Variants in KCNQ1 observed in about 807,000 individuals in gnomAD.
KCNQ1 encodes potassium voltage-gated channel subfamily KQT member 1.
In KCNQ1, 49 loss-of-function variants were observed where a neutral mutation model predicts 72.4. The observed-to-expected ratio is 0.68, with a 90% confidence interval of 0.54 to 0.86. The LOEUF (loss-of-function observed/expected upper bound fraction) is 0.86, where lower values mean the gene tolerates loss of function less well. Ranked by LOEUF, KCNQ1 falls within the 40% of genes least tolerant of loss-of-function variation. KCNQ1 has a pLI of 0.00. For synonymous variants in KCNQ1, 450 were observed against 412.6 expected, an observed-to-expected ratio of 1.09 and a Z score of -1.10; for missense variants, 790 against 945.1, an observed-to-expected ratio of 0.84 and a Z score of 2.15.
rs1449317436 is a variant in KCNQ1 at position 2,848,203 on chromosome 11, G to C, written c.*200G>C. The C allele has an allele frequency of 1.5e-6, 1 of 681,358 alleles. No homozygotes were observed. Among genetic ancestry groups the C allele is most frequent in the Admixed American group, 2.2e-5 (1 of 45,790 alleles). 42.2% of individuals were successfully genotyped at this position (681,358 alleles called of 1,614,324 possible). On this transcript the variant is annotated 3_prime_UTR_variant, in exon 16 of 16. Transcript: ENST00000155840. ...CAGCAAGGCCACCTCTTCCTGGCCG[G>C]TGTGGGGGCCCCGTCTCAGGTCTGA...
In KCNQ1 at chr11:2,826,082, A is replaced by G. The variant is rs1847833808; in HGVS notation, c.1795-21685A>G. Among the ~76,000 whole-genome samples the G allele has an allele frequency of 1.3e-5, 2 of 152,228 alleles. No individual in the cohort carries two copies. The highest frequency in any genetic ancestry group is 2.9e-5 in the Non-Finnish European group (2 of 68,050). Reference sequence around the variant, plus strand: ...AACTGCCTGTGAGTTATAAGCCTCCACAGCAAGCAGCCTGTTACCTAACCA... The same window carrying G: ...AACTGCCTGTGAGTTATAAGCCTCCGCAGCAAGCAGCCTGTTACCTAACCA... On this transcript the variant is annotated intron_variant, in intron 15 of 15. Transcript: ENST00000155840. The surrounding 1 kb of genome is among the most constrained non-coding windows in gnomAD (Gnocchi z 4.2).
intron 6 of KCNQ1, among the ~76,000 whole-genome samples, chr11:2,575,256 C>CCCACACCG (rs1848405177): frequency 6.6e-6 from 1 of 152,206 alleles, no homozygotes; most frequent in Non-Finnish European, 1.5e-5. Context: ...TTGTGCCCGG[C>CCCACACCG]TTGGCATCAG....
chr11:2,693,861 C>T (rs1001186730), intron 11 of KCNQ1: 15 of 398,804 alleles, frequency 3.8e-5, no homozygotes, highest in African/African-American at 2.1e-5. Context: ...GCCCTCCCAT[C>T]CAGGCCTGCT....
In KCNQ1 at chr11:2,475,342, G is replaced by T. The variant is rs770495494; in HGVS notation, c.386+29858G>T. 1.8e-4 allele frequency among the ~76,000 whole-genome samples: 28 copies of T among 152,178 alleles called. No homozygotes were observed. Among genetic ancestry groups the T allele is most frequent in the Non-Finnish European group, 4.0e-4 (27 of 68,040 alleles). On this transcript the variant is annotated intron_variant, in intron 1 of 15. Coordinates refer to ENST00000155840, the MANE Select transcript of KCNQ1 (RefSeq NM_000218.3). This position sits in a 1 kb window ranked among gnomAD's most constrained non-coding sequence, Gnocchi z 5.8. ...CCCTTCCTTTCTGAGCTGAGTAGTG[G>T]TCTGTGGTGTGGATGGACTACGTGC...
intron 11 of KCNQ1, among the ~76,000 whole-genome samples, chr11:2,718,007 A>G (rs1053269182): frequency 3.3e-5 from 5 of 152,234 alleles, no homozygotes; most frequent in Admixed American, 6.5e-5. Context: ...TCTGTCGCAG[A>G]AGTGAACCTT....
intron 15 of KCNQ1, chr11:2,839,730 G>A (rs1848162563): frequency 1.3e-5 from 2 of 152,202 alleles, no homozygotes; most frequent in Non-Finnish European, 2.9e-5. Context: ...CAAAGAAGAG[G>A]CCTTCTCCGG....
Position 2,501,718 on chromosome 11 carries a change from C to CAAA in KCNQ1, c.387-26183_387-26181dup, listed in dbSNP as rs55865890. On this transcript the variant is annotated intron_variant, in intron 1 of 15. Coordinates refer to ENST00000155840, the MANE Select transcript of KCNQ1 (RefSeq NM_000218.3). ...TTACCAAAACCAGACAAAGATACAT[C>CAAA]AAAAAAAAAAAAAAAAAAAAAAAAA... Among the ~76,000 whole-genome samples the CAAA allele has an allele frequency of 5.5e-4, 38 of 68,904 alleles. 3 individuals are homozygous for CAAA. The highest frequency in any genetic ancestry group is 7.9e-4 in the African/African-American group (16 of 20,132). The allele number at this position is 68,904 out of a possible 152,430, so 45.2% of individuals were successfully genotyped here.
At position 2,657,321 on chromosome 11, in the gene KCNQ1, T is replaced by C. The variant is rs900263202; in HGVS notation, c.1394-4640T>C. The C allele has an allele frequency of 1.0e-5, 4 of 398,530 alleles. No individual in the cohort carries two copies. Among genetic ancestry groups the C allele is most frequent in the South Asian group, 1.3e-4 (1 of 7,866 alleles). 24.7% of individuals were successfully genotyped at this position (398,530 alleles called of 1,614,324 possible). A position where few individuals can be genotyped will look rare whatever the true frequency, so the allele number is the denominator to read the frequency against. On this transcript the variant is annotated intron_variant, in intron 10 of 15. Coordinates refer to ENST00000155840, the MANE Select transcript of KCNQ1 (RefSeq NM_000218.3). This position sits in a 1 kb window ranked among gnomAD's most constrained non-coding sequence, Gnocchi z 4.8. ...AGATTTTGAGATAATCTTTTCAGTA[T>C]TGAGTCTTCTAGTCATTGGAATGAA...
Position 2,669,646 on chromosome 11 carries a change from T to C in KCNQ1, c.1514+7565T>C, listed in dbSNP as rs1225767564. ...CAGCCTCAGTTTCCTCTTGTATACA[T>C]TGGGAGTATATCTCACAGTATTAGT... is the stretch of plus-strand genomic sequence containing the variant. On this transcript the variant is annotated intron_variant, in intron 11 of 15. Coordinates refer to ENST00000155840, the MANE Select transcript of KCNQ1 (RefSeq NM_000218.3). The surrounding 1 kb of genome is among the most constrained non-coding windows in gnomAD (Gnocchi z 5.6). 14 of 398,512 alleles carry C rather than the reference T, an allele frequency of 3.5e-5. No individual in the cohort carries two copies. Among genetic ancestry groups the C allele is most frequent in the Admixed American group, 8.8e-5 (2 of 22,718 alleles). The allele number at this position is 398,512 out of a possible 1,614,324, so 24.7% of individuals were successfully genotyped here. A position where few individuals can be genotyped will look rare whatever the true frequency, so the allele number is the denominator to read the frequency against.
At chr11:2,485,407 A>G (rs896271582) in intron 1 of KCNQ1, among the ~76,000 whole-genome samples, 38 of 127,134 alleles carry the variant, frequency 3.0e-4, no homozygotes, top group African/African-American at 1.2e-3. Context: ...TCAGCCTTTC[A>G]TGTCTCTCTT....
In KCNQ1 at chr11:2,601,690, G is replaced by A. The variant is rs1186089778; in HGVS notation, c.1393+12836G>A. Among the ~76,000 whole-genome samples, 3 of 152,166 alleles carry A rather than the reference G, an allele frequency of 2.0e-5. No homozygotes were observed. The highest frequency in any genetic ancestry group is 6.5e-5 in the Admixed American group (1 of 15,280). On this transcript the variant is annotated intron_variant, in intron 10 of 15. Transcript: ENST00000155840. The surrounding 1 kb of genome is among the most constrained non-coding windows in gnomAD (Gnocchi z 5.2). Reference sequence around the variant, plus strand: ...CAATACACGATATCTTAGAAACGGGGTCTTTTGGCTCGGCATCATTCTCTG... The same window carrying A: ...CAATACACGATATCTTAGAAACGGGATCTTTTGGCTCGGCATCATTCTCTG...
At position 2,759,993 on chromosome 11, in the gene KCNQ1, T is replaced by G. The variant is rs1846364023; in HGVS notation, c.1515-8851T>G. Among the ~76,000 whole-genome samples the G allele has an allele frequency of 6.6e-6, 1 of 152,294 alleles. No individual in the cohort carries two copies. Among genetic ancestry groups the G allele is most frequent in the South Asian group, 2.1e-4 (1 of 4,828 alleles). On this transcript the variant is annotated intron_variant, in intron 11 of 15. Transcript: ENST00000155840. This position sits in a 1 kb window ranked among gnomAD's most constrained non-coding sequence, Gnocchi z 4.4. ...AGCTGCTGGGAATCTGTTCCACAGG[T>G]GGGAAGGTCGGCCCGCCATGGGCAG...
chr11:2,795,080 C>G (rs967163390), intron 15 of KCNQ1, among the ~76,000 whole-genome samples: 1 of 152,172 alleles, frequency 6.6e-6, no homozygotes, highest in Non-Finnish European at 1.5e-5. Flanking sequence ...CCATCTAACT[C>G]GCCACCTCCT....
At position 2,813,511 on chromosome 11, in the gene KCNQ1, A is replaced by G. The variant is rs565584469; in HGVS notation, c.1795-34256A>G. ...TGCGCCTGGTCACCAAGTCCTGACAACACCTCCAGCCCCTGTCTCTATGGT... is the reference window on the plus strand; with the variant it reads ...TGCGCCTGGTCACCAAGTCCTGACAGCACCTCCAGCCCCTGTCTCTATGGT... On this transcript the variant is annotated intron_variant, in intron 15 of 15. Transcript: ENST00000155840. This position sits in a 1 kb window ranked among gnomAD's most constrained non-coding sequence, Gnocchi z 4.4. Among the ~76,000 whole-genome samples, 1 of 151,890 alleles carries G rather than the reference A, an allele frequency of 6.6e-6. No homozygotes were observed. Among genetic ancestry groups the G allele is most frequent in the Non-Finnish European group, 1.5e-5 (1 of 67,982 alleles).
rs1287181864 is a variant in KCNQ1, at chr11:2,509,825, C to A, written c.387-18103C>A. The stretch of plus-strand genomic sequence containing the variant: ...GGACTGGGAGGTGTGGACAGGGAAC[C>A]CTGGCGGGGCCGGCCAATGGTGGCG... On this transcript the variant is annotated intron_variant, in intron 1 of 15. Coordinates refer to ENST00000155840, the MANE Select transcript of KCNQ1 (RefSeq NM_000218.3). This position sits in a 1 kb window ranked among gnomAD's most constrained non-coding sequence, Gnocchi z 6.3. 1.1e-4 allele frequency among the ~76,000 whole-genome samples: 16 copies of A among 152,166 alleles called. No individual in the cohort carries two copies. Among genetic ancestry groups the A allele is most frequent in the Admixed American group, 1.0e-3 (16 of 15,274 alleles).
At chr11:2,583,574 G>A in intron 7 of KCNQ1, 29 bp downstream of exon 7, 1 of 1,500,306 alleles carries the variant, frequency 6.7e-7, no homozygotes, top group African/African-American at 1.4e-5. Flanking sequence ...CGTTTTCCCT[G>A]GCTCCTTGGA....
At position 2,620,211 on chromosome 11, in the gene KCNQ1, A is replaced by ATATATATATATATTT. The variant is rs1383035176; in HGVS notation, c.1393+31358_1393+31359insATATATATATATTTT. 4.0e-6 allele frequency: 1 copy of ATATATATATATATTT among 252,756 alleles called. No homozygotes were observed. The highest frequency in any genetic ancestry group is 2.6e-5 in the African/African-American group (1 of 37,828). The allele number at this position is 252,756 out of a possible 1,614,324, so 15.7% of individuals were successfully genotyped here. A position where few individuals can be genotyped will look rare whatever the true frequency, so the allele number is the denominator to read the frequency against. ...TAAGTTCATTCATGTATATATATAT[A>ATATATATATATATTT]TTTTTTTTTTTTATTTTTTTTTTAG... is the stretch of plus-strand genomic sequence containing the variant. On this transcript the variant is annotated intron_variant, in intron 10 of 15. Transcript: ENST00000155840. The surrounding 1 kb of genome is among the most constrained non-coding windows in gnomAD (Gnocchi z 4.5).
chr11:2,597,967 T>G (rs1207983421), intron 10 of KCNQ1, among the ~76,000 whole-genome samples: 1 of 152,156 alleles, frequency 6.6e-6, no homozygotes, highest in East Asian at 1.9e-4. Context: ...TTTTCTCCTT[T>G]TTTCTTAATC....
chr11:2,535,025 T>C (rs757086), intron 2 of KCNQ1, among the ~76,000 whole-genome samples: 97,515 of 152,076 alleles, frequency 0.64, 33,266 homozygotes, highest in East Asian at 0.79. Context: ...GTGGGCCCTC[T>C]GTCTGCACAG....
Sources: gnomAD v4.1 joint callset for allele counts (sites outside exome capture counted in the v4.1 genomes callset) on GRCh38, gnomAD v4.1.1 for gene constraint, Gnocchi (gnomAD v3.1) non-coding constraint, MANE v1.5 for transcripts, NCBI Gene and HGNC (gene_info 2026-07-23, HGNC 2026-07-21) for gene names.